Variants in DCHS2 observed in about 807,000 individuals in gnomAD.
DCHS2 encodes protocadherin-23.
DCHS2 carries 142 observed loss-of-function variants against 182.4 expected under a neutral mutation model. That is an observed-to-expected ratio of 0.78 (90% CI 0.68 to 0.89). The LOEUF is 0.89. Among genes scored for constraint, DCHS2 ranks in the 40% least tolerant of loss-of-function variants. The pLI is 0.00. For missense variants in DCHS2, 4,319 were observed against 4,198.6 expected (o/e 1.03, Z -0.79); for synonymous variants, 1,740 against 1,663.3 (o/e 1.05, Z -1.12).
chr4:154,463,692 TTCTCTCTCTC>T (rs5863102), intron 1 of DCHS2, among the ~76,000 whole-genome samples: 66 of 145,364 alleles, frequency 4.5e-4, no homozygotes, highest in Admixed American at 1.6e-3. Flanking sequence ...ATTCTCTCTT[TTCTCTCTCTC>T]TCTCTCTCTC....
At chr4:154,374,943 G>A (rs960311491) in intron 2 of DCHS2, among the ~76,000 whole-genome samples, 1 of 152,114 alleles carries the variant, frequency 6.6e-6, no homozygotes, top group Non-Finnish European at 1.5e-5. Context: ...TGAACACGTT[G>A]TTTCTAAACT....
chr4:154,298,164 C>CT lies in DCHS2; in HGVS notation c.6149dup (p.Ser2051ValfsTer13). On this transcript the variant is annotated frameshift_variant, in exon 13 of 20. Transcript: ENST00000357232. LOFTEE classifies it high-confidence loss of function. ...TGACAGTTGTCTGGTTTGTAGGCGA[C>CT]TCGGGGGAAAGAAACACATCAAAAG... 2.5e-6 allele frequency: 4 copies of CT among 1,614,074 alleles called. No individual in the cohort carries two copies. Among genetic ancestry groups the CT allele is most frequent in the Non-Finnish European group, 3.4e-6 (4 of 1,180,012 alleles).
At chr4:154,311,513 G>C (rs533509513) in intron 10 of DCHS2, among the ~76,000 whole-genome samples, 1 of 152,118 alleles carries the variant, frequency 6.6e-6, no homozygotes, top group Non-Finnish European at 1.5e-5. Flanking sequence ...AGTATTACAG[G>C]CATGAGCCAC....
intron 1 of DCHS2, among the ~76,000 whole-genome samples, chr4:154,464,411 AT>A (rs1735152306): frequency 6.6e-6 from 1 of 152,210 alleles, no homozygotes; most frequent in Non-Finnish European, 1.5e-5. Flanking sequence ...ACCAGAGATC[AT>A]TCTAACTAAC....
At chr4:154,377,485 A>C (rs1579024340) in intron 1 of DCHS2, 41 bp from the exon 2 acceptor site, 1 of 1,524,160 alleles carries the variant, frequency 6.6e-7, no homozygotes, top group African/African-American at 1.4e-5. Context: ...CAGAAATGCT[A>C]GCATTACTTT....
At chr4:154,283,537 G>A (rs1004956085) in intron 13 of DCHS2, among the ~76,000 whole-genome samples, 14 of 151,864 alleles carry the variant, frequency 9.2e-5, no homozygotes, top group African/African-American at 3.4e-4. Flanking sequence ...GATTAAGTCT[G>A]AAATAGATTT....
rs1728736789 is a variant in DCHS2, at chr4:154,489,937, GCCTTCCAAGGACAGAGAGATGCT to G, written c.1396_1418del (p.Ser466ArgfsTer33). 6.5e-7 allele frequency: 1 copy of G among 1,540,946 alleles called. No individual in the cohort carries two copies. The highest frequency in any genetic ancestry group is 2.5e-5 in the East Asian group (1 of 40,626). On this transcript the variant is annotated frameshift_variant, in exon 1 of 20. Coordinates refer to ENST00000357232, the MANE Select transcript of DCHS2 (RefSeq NM_001358235.2). LOFTEE classifies it high-confidence loss of function. ...GTAGCAACGCGAAGTCTCCCTCTCC[GCCTTCCAAGGACAGAGAGATGCT>G]CCCGTCTCCAAGACCCACACCAAGC...
At chr4:154,243,687 T>G (rs1189439661) in intron 16 of DCHS2, among the ~76,000 whole-genome samples, 29 of 152,298 alleles carry the variant, frequency 1.9e-4, no homozygotes, top group Non-Finnish European at 1.5e-5. Context: ...GGACTTTCAG[T>G]GCTACATCCA....
At chr4:154,278,042 C>A (rs200179970) in intron 13 of DCHS2, among the ~76,000 whole-genome samples, 3,845 of 61,488 alleles carry the variant, frequency 0.063, 104 homozygotes, top group Middle Eastern at 0.11. Context: ...CTCCATCACA[C>A]ACACAAAAAA....
At position 154,237,042 on chromosome 4, in the gene DCHS2, A is replaced by G. The variant is rs759125165; in HGVS notation, c.7610T>C (p.Ile2537Thr). The G allele has an allele frequency of 1.2e-6, 2 of 1,613,982 alleles. No homozygotes were observed. The highest frequency in any genetic ancestry group is 1.7e-5 in the Admixed American group (1 of 60,004). Residue 2537 changes from isoleucine (I) to threonine (T), a missense_variant, in exon 20 of 20, where the codon ATA (isoleucine) becomes ACA (threonine). Coordinates refer to ENST00000357232, the MANE Select transcript of DCHS2 (RefSeq NM_001358235.2). ...ATAATTGTTCATATCTTCTATTCCT[A>G]TCTCCACTAAAGTAAGAGCTCTCAG... Reference protein sequence around the residue: ...PDLRALTLVEIGIEDMNNYAP... With the variant: ...PDLRALTLVETGIEDMNNYAP...
At position 154,236,375 on chromosome 4, in the gene DCHS2, G is replaced by A; in HGVS notation, c.8277C>T (p.Val2759=). The A allele has an allele frequency of 1.9e-6, 3 of 1,614,074 alleles. No individual in the cohort carries two copies. The highest frequency in any genetic ancestry group is 8.5e-7 in the Non-Finnish European group (1 of 1,179,974). ...HFSFAVVFVS[V]LDDNDHAPQF... ...GAGGTGCATGGTCGTTATCATCCAG[G>A]ACACTGACAAACACAACTGCAAAAG... The change falls in exon 20 of 20, where the codon GTC becomes GTT. Residue 2759 remains valine (V), a synonymous_variant. Coordinates refer to ENST00000357232, the MANE Select transcript of DCHS2 (RefSeq NM_001358235.2).
At chr4:154,436,352 C>CT (rs1294729682) in intron 1 of DCHS2, among the ~76,000 whole-genome samples, 1 of 152,054 alleles carries the variant, frequency 6.6e-6, no homozygotes, top group Non-Finnish European at 1.5e-5. Context: ...GTTGTAAGTA[C>CT]TTTTTTCCAT....
intron 3 of DCHS2, among the ~76,000 whole-genome samples, chr4:154,345,773 G>T (rs1448861403): frequency 6.6e-6 from 1 of 152,186 alleles, no homozygotes; most frequent in Non-Finnish European, 1.5e-5. Context: ...AAGGTGTTTG[G>T]TAATTATTTG....
chr4:154,335,121 A>T lies in DCHS2; in HGVS notation c.2477-17T>A. The T allele has an allele frequency of 7.0e-7, 1 of 1,425,962 alleles. No homozygotes were observed. The highest frequency in any genetic ancestry group is 1.4e-5 in the African/African-American group (1 of 71,238). 88.3% of individuals were successfully genotyped at this position (1,425,962 alleles called of 1,614,324 possible). On this transcript the variant is annotated splice_polypyrimidine_tract_variant and intron_variant, in intron 3 of 19. Transcript: ENST00000357232. ...AAATAATTCCTGGGTAGGGAAAAGA[A>T]AACATTGGTAAACAGATAACATGTA...
chr4:154,422,842 G>T (rs779874729), intron 1 of DCHS2, among the ~76,000 whole-genome samples: 2 of 152,026 alleles, frequency 1.3e-5, no homozygotes, highest in Non-Finnish European at 2.9e-5. Context: ...GCCCCACTAC[G>T]CTTGTCCAGG....
At chr4:154,317,271 T>G (rs1384465260) in intron 9 of DCHS2, among the ~76,000 whole-genome samples, 2 of 152,222 alleles carry the variant, frequency 1.3e-5, no homozygotes, top group South Asian at 4.1e-4. Context: ...ATTTTATCCA[T>G]TCTTTTTAAC....
intron 1 of DCHS2, among the ~76,000 whole-genome samples, chr4:154,461,689 T>C (rs1735015416): frequency 6.6e-6 from 1 of 152,180 alleles, no homozygotes. Context: ...TTTAAATCCA[T>C]GTATTGTAAG....
chr4:154,357,608 T>C (rs1729934645), intron 3 of DCHS2, among the ~76,000 whole-genome samples: 1 of 152,196 alleles, frequency 6.6e-6, no homozygotes. Flanking sequence ...GCTCCTTTCT[T>C]GCTGACCTGC....
At chr4:154,338,132 C>T (rs1473294882) in intron 3 of DCHS2, among the ~76,000 whole-genome samples, 3 of 152,172 alleles carry the variant, frequency 2.0e-5, no homozygotes, top group Admixed American at 6.5e-5. Flanking sequence ...TCTATGATCC[C>T]GCAGCAGCCT....
Sources: allele counts gnomAD v4.1 joint callset (sites outside exome capture counted in the v4.1 genomes callset), GRCh38; gene constraint gnomAD v4.1.1; transcripts MANE v1.5; gene names NCBI Gene and HGNC (gene_info 2026-07-23, HGNC 2026-07-21).